NDEL1: variants seen among roughly 807,000 people sequenced by gnomAD.
NDEL1 encodes nudE neurodevelopment protein 1 like 1.
Under a neutral mutation model 45.7 loss-of-function variants are expected in NDEL1, and 9 were observed. The observed-to-expected ratio is 0.20, with a 90% CI of 0.12 to 0.34. NDEL1 has a LOEUF of 0.34. Among genes scored for constraint, NDEL1 ranks in the 10% least tolerant of loss-of-function variants. NDEL1 has a pLI of 1.00. For missense variants in NDEL1, 306 were observed against 406.2 expected (o/e 0.75, Z 2.12); for synonymous variants, 133 against 158.6 (o/e 0.84, Z 1.21).
At chr17:8,461,593 T>C (rs892815638) in intron 8 of NDEL1, among the ~76,000 whole-genome samples, 1 of 152,118 alleles carries the variant, frequency 6.6e-6, no homozygotes, top group African/African-American at 2.4e-5. Flanking sequence ...GGAGTAAACA[T>C]AAAATTGATT....
intron 1 of NDEL1, among the ~76,000 whole-genome samples, chr17:8,415,099 TCTTCCTCC>T (rs1908512827): frequency 7.7e-6 from 1 of 129,644 alleles, no homozygotes; most frequent in South Asian, 2.5e-4. Context: ...CACCTTCCTT[TCTTCCTCC>T]CTCCCTCCCT....
At chr17:8,472,684 T>A (rs985315305), downstream of NDEL1, among the ~76,000 whole-genome samples, 4 of 151,910 alleles carry the variant, frequency 2.6e-5, no homozygotes, top group African/African-American at 9.7e-5. Context: ...CAAGTTGTTA[T>A]CCTTCCAAAG....
downstream of NDEL1, among the ~76,000 whole-genome samples, chr17:8,469,344 G>A (rs1255431909): frequency 3.3e-5 from 5 of 152,188 alleles, no homozygotes; most frequent in Non-Finnish European, 5.9e-5. Context: ...TTTCACTCTG[G>A]TTAAAGCACA....
intron 3 of NDEL1, among the ~76,000 whole-genome samples, chr17:8,473,400 T>C (rs1450121488): frequency 1.3e-5 from 2 of 152,200 alleles, no homozygotes; most frequent in African/African-American, 4.8e-5. Context: ...TTGGCCAGGC[T>C]GGATTCGAAC....
At chr17:8,459,910 A>C in intron 7 of NDEL1, 99 bp from the exon 8 acceptor site, 1 of 1,235,992 alleles carries the variant, frequency 8.1e-7, no homozygotes. Context: ...AACTGAGATG[A>C]GTAAGTTTTG....
intron 8 of NDEL1, among the ~76,000 whole-genome samples, chr17:8,463,670 C>T (rs1911389849): frequency 6.6e-6 from 1 of 152,226 alleles, no homozygotes; most frequent in Non-Finnish European, 1.5e-5. Context: ...TTTGAGGTCA[C>T]TGTCAGGCCC....
upstream of NDEL1, chr17:8,435,717 G>A (rs1029445328): frequency 2.0e-4 from 66 of 332,688 alleles, no homozygotes; most frequent in Non-Finnish European, 3.4e-4. Context: ...CTGCGCAAGA[G>A]GACGCCTGCG....
At chr17:8,459,495 A>T (rs552174619) in intron 7 of NDEL1, among the ~76,000 whole-genome samples, 1 of 152,370 alleles carries the variant, frequency 6.6e-6, no homozygotes, top group South Asian at 2.1e-4. Flanking sequence ...GAAATAAAAT[A>T]GCTTTTAATT....
intron 8 of NDEL1, chr17:8,464,693 A>C (rs1318562590): frequency 6.6e-6 from 1 of 152,292 alleles, no homozygotes; most frequent in East Asian, 1.9e-4. Context: ...GGAGTGCCGA[A>C]GTGGTTGCTT....
chr17:8,448,993 T>A (rs1195608012), intron 5 of NDEL1, among the ~76,000 whole-genome samples: 1 of 152,196 alleles, frequency 6.6e-6, no homozygotes, highest in African/African-American at 2.4e-5. Flanking sequence ...TAGAGTCAAC[T>A]TTTTTTGGAG....
At chr17:8,428,328 GTGTGTGTGTGTGTGTGTGT>G (rs1908895102) in intron 1 of NDEL1, among the ~76,000 whole-genome samples, 4 of 130,536 alleles carry the variant, frequency 3.1e-5, no homozygotes, top group African/African-American at 8.9e-5. Context: ...TGTGTGGTGT[GTGTGTGTGTGTGTGTGTGT>G]GTGTGTGTGT....
At chr17:8,473,439 G>T (rs1911960271) in intron 3 of NDEL1, among the ~76,000 whole-genome samples, 1 of 152,146 alleles carries the variant, frequency 6.6e-6, no homozygotes, top group African/African-American at 2.4e-5. Flanking sequence ...CACCTGCTTT[G>T]GCCTCCCAAA....
intron 1 of NDEL1, among the ~76,000 whole-genome samples, chr17:8,424,880 G>A (rs1908793619): frequency 6.6e-6 from 1 of 152,092 alleles, no homozygotes; most frequent in Admixed American, 6.6e-5. Context: ...TCTTGCTCAG[G>A]CTGGTCTTGA....
rs1048406129 is a variant in NDEL1, at chr17:8,465,486, C to T, written c.945-1444C>T. The T allele has an allele frequency of 6.6e-6, 1 of 152,186 alleles. No homozygotes were observed. The highest frequency in any genetic ancestry group is 2.4e-5 in the African/African-American group (1 of 41,430). 9.4% of individuals were successfully genotyped at this position (152,186 alleles called of 1,614,324 possible). On this transcript the variant is annotated intron_variant, in intron 8 of 8. Transcript: ENST00000334527. This position sits in a 1 kb window ranked among gnomAD's most constrained non-coding sequence, Gnocchi z 4.9. ...TTGGAATTTAAACTCCACATATGTA[C>T]TCTGAGTTTAGTTTCTTTAGACATG...
chr17:8,417,867 C>T (rs1201720736), intron 1 of NDEL1, among the ~76,000 whole-genome samples: 3 of 152,232 alleles, frequency 2.0e-5, no homozygotes, highest in Non-Finnish European at 1.5e-5. Context: ...AAGCAAACCT[C>T]CTTCTCCTGC....
intron 5 of NDEL1, among the ~76,000 whole-genome samples, chr17:8,449,793 GA>G (rs1910353412): frequency 6.6e-6 from 1 of 152,106 alleles, no homozygotes; most frequent in African/African-American, 2.4e-5. Context: ...GATGGACATC[GA>G]GTTGCTCCCA....
intron 1 of NDEL1, among the ~76,000 whole-genome samples, chr17:8,428,889 G>T (rs1046337236): frequency 6.6e-6 from 1 of 151,796 alleles, no homozygotes. Context: ...TAGCCAAGAT[G>T]GTCTCGATCT....
At chr17:8,431,027 C>G (rs1908986735), upstream of NDEL1, among the ~76,000 whole-genome samples, 1 of 152,314 alleles carries the variant, frequency 6.6e-6, no homozygotes, top group East Asian at 1.9e-4. Context: ...CCAGTCCTGA[C>G]AAACACCAGT....
upstream of NDEL1, among the ~76,000 whole-genome samples, chr17:8,433,286 C>T (rs1909063203): frequency 1.3e-5 from 2 of 152,166 alleles, no homozygotes; most frequent in South Asian, 4.1e-4. Context: ...ATCTGTGGTG[C>T]TGGCTATTGT....
Sources: gnomAD v4.1 joint callset for allele counts (sites outside exome capture counted in the v4.1 genomes callset) on GRCh38, gnomAD v4.1.1 for gene constraint, Gnocchi (gnomAD v3.1) non-coding constraint, MANE v1.5 for transcripts, NCBI Gene and HGNC (gene_info 2026-07-23, HGNC 2026-07-21) for gene names.